The following C1orf146 variants were observed in gnomAD, a reference collection of about 807,000 sequenced individuals.
The protein encoded by C1orf146 is protein SPO16 homolog.
In C1orf146, 22 loss-of-function variants were observed where a neutral mutation model predicts 23.0. That is an observed-to-expected ratio of 0.96 (90% CI 0.68 to 1.36). The LOEUF is 1.36. Among genes scored for constraint, C1orf146 ranks in the 40% most tolerant of loss-of-function variants. The pLI, the probability that C1orf146 is intolerant of heterozygous loss-of-function variation, is 0.00. For synonymous variants in C1orf146, 59 were observed against 65.3 expected (o/e 0.90, Z 0.47); for missense variants, 199 against 206.8 (o/e 0.96, Z 0.23).
chr1:92,218,867 C>G (rs868230603), intron 1 of C1orf146, among the ~76,000 whole-genome samples: 3 of 152,186 alleles, frequency 2.0e-5, no homozygotes, highest in Non-Finnish European at 2.9e-5. Flanking sequence ...GGTCGAGGAG[C>G]TTTTCCCCAG....
At chr1:92,229,033 C>T in intron 1 of C1orf146, 5 of 481,858 alleles carry the variant, frequency 1.0e-5, no homozygotes, top group South Asian at 8.8e-5. Flanking sequence ...TTGTGGTGAA[C>T]AGTGGAGGGG....
chr1:92,232,605 A>G (rs1183409053), intron 2 of C1orf146, among the ~76,000 whole-genome samples: 1 of 152,186 alleles, frequency 6.6e-6, no homozygotes, highest in Admixed American at 6.5e-5. Flanking sequence ...CATGATTTAT[A>G]GTCCTTTGGG....
intron 3 of C1orf146, 42 bp from the exon 4 acceptor site, chr1:92,244,175 C>G (rs371721685): frequency 7.1e-7 from 1 of 1,408,912 alleles, no homozygotes; most frequent in East Asian, 2.3e-5. Flanking sequence ...AATTTCATCT[C>G]TATAACAAAG....
chr1:92,220,397 A>G (rs1429557040), intron 1 of C1orf146, among the ~76,000 whole-genome samples: 2 of 152,186 alleles, frequency 1.3e-5, no homozygotes, highest in Non-Finnish European at 2.9e-5. Flanking sequence ...ATGCATCATT[A>G]GGTGATTTTG....
intron 2 of C1orf146, among the ~76,000 whole-genome samples, chr1:92,234,336 G>T (rs1248256450): frequency 6.6e-6 from 1 of 152,106 alleles, no homozygotes; most frequent in Admixed American, 6.6e-5. Context: ...GTTGAATTTT[G>T]TCAAAGACCT....
intron 1 of C1orf146, among the ~76,000 whole-genome samples, chr1:92,228,195 T>C (rs952578123): frequency 1.3e-5 from 2 of 152,240 alleles, no homozygotes; most frequent in African/African-American, 4.8e-5. Flanking sequence ...CCAATTTTGA[T>C]ATTTTTTCAT....
intron 1 of C1orf146, among the ~76,000 whole-genome samples, chr1:92,218,721 C>T (rs1479076836): frequency 6.6e-6 from 1 of 152,046 alleles, no homozygotes; most frequent in Admixed American, 6.6e-5. Context: ...CCGTCCCCCG[C>T]GCCTGCCCCT....
chr1:92,243,234 C>A (rs1031581398), intron 3 of C1orf146, among the ~76,000 whole-genome samples: 1 of 152,066 alleles, frequency 6.6e-6, no homozygotes, highest in African/African-American at 2.4e-5. Context: ...CAGACTGTCT[C>A]CCACATCGTT....
At chr1:92,229,585 C>G (rs1007512078) in intron 1 of C1orf146, 1 of 301,492 alleles carries the variant, frequency 3.3e-6, no homozygotes, top group Non-Finnish European at 6.6e-6. Flanking sequence ...TCTTCCAACT[C>G]CAGTGTGCAG....
Position 92,244,900 on chromosome 1 carries a change from A to G in C1orf146, c.408+43A>G, listed in dbSNP as rs768604769. 2.8e-5 allele frequency: 32 copies of G among 1,149,502 alleles called. No homozygotes were observed. In the Admixed American group the frequency reaches 5.3e-4, roughly 19 times the overall value. 71.2% of individuals were successfully genotyped at this position (1,149,502 alleles called of 1,614,324 possible). On this transcript the variant is annotated intron_variant, in intron 5 of 5. Transcript: ENST00000370375. ...TATGACACATACACACATACATTTTAAGGTTTTTAACTTCCAATTGTCACC... is the reference window on the plus strand; with the variant it reads ...TATGACACATACACACATACATTTTGAGGTTTTTAACTTCCAATTGTCACC...
chr1:92,244,716 AC>A, intron 4 of C1orf146, 62 bp from the exon 5 acceptor site: 1 of 1,044,568 alleles, frequency 9.6e-7, no homozygotes, highest in Non-Finnish European at 1.5e-6. Context: ...TCTTCTTTCC[AC>A]TTTCTTAAGA....
chr1:92,230,867 A>T (rs1652103728), intron 1 of C1orf146, among the ~76,000 whole-genome samples: 1 of 152,136 alleles, frequency 6.6e-6, no homozygotes, highest in Non-Finnish European at 1.5e-5. Flanking sequence ...TGCTTACAAG[A>T]TTCAGGTTTC....
chr1:92,227,422 C>T (rs966970542), intron 1 of C1orf146, among the ~76,000 whole-genome samples: 8 of 152,092 alleles, frequency 5.3e-5, no homozygotes, highest in Admixed American at 4.6e-4. Flanking sequence ...GCCTGTAGTC[C>T]CAGCTACTCA....
intron 1 of C1orf146, among the ~76,000 whole-genome samples, chr1:92,218,658 C>G (rs1651740403): frequency 6.6e-6 from 1 of 152,096 alleles, no homozygotes; most frequent in Non-Finnish European, 1.5e-5. Flanking sequence ...ATTCTGTCGT[C>G]CCCCAGGTGC....
intron 1 of C1orf146, among the ~76,000 whole-genome samples, chr1:92,222,205 C>T (rs1651834206): frequency 6.6e-6 from 1 of 152,186 alleles, no homozygotes; most frequent in Admixed American, 6.5e-5. Flanking sequence ...CATGCCACTG[C>T]ACTCCAGCCA....
chr1:92,234,529 AT>A (rs1557489087), intron 2 of C1orf146, among the ~76,000 whole-genome samples: 1 of 152,026 alleles, frequency 6.6e-6, no homozygotes, highest in East Asian at 1.9e-4. Flanking sequence ...TTTATTGAGG[AT>A]TTTTGCATCA....
chr1:92,232,996 A>G (rs1176773524), intron 2 of C1orf146, among the ~76,000 whole-genome samples: 1 of 151,896 alleles, frequency 6.6e-6, no homozygotes, highest in Non-Finnish European at 1.5e-5. Flanking sequence ...TTCATTGTAG[A>G]TTCTGGATAT....
chr1:92,238,327 TAAAC>T (rs773321054), intron 2 of C1orf146, among the ~76,000 whole-genome samples: 6 of 152,230 alleles, frequency 3.9e-5, no homozygotes, highest in East Asian at 1.9e-4. Context: ...GTATAAAAGT[TAAAC>T]AAGTGTTTTT....
At chr1:92,229,727 AG>A (rs918275512) in intron 1 of C1orf146, among the ~76,000 whole-genome samples, 3 of 152,142 alleles carry the variant, frequency 2.0e-5, no homozygotes, top group African/African-American at 7.2e-5. Context: ...ACCCTAAAGA[AG>A]GGGGGGTGGC....
Sources: allele counts gnomAD v4.1 joint callset (sites outside exome capture counted in the v4.1 genomes callset), GRCh38; gene constraint gnomAD v4.1.1; transcripts MANE v1.5; gene names NCBI Gene and HGNC (gene_info 2026-07-23, HGNC 2026-07-21).